The following ARHGAP40 variants were observed in gnomAD, a reference collection of about 807,000 sequenced individuals.
ARHGAP40 encodes the protein Rho GTPase activating protein 40.
Under a neutral mutation model 73.5 loss-of-function variants are expected in ARHGAP40, and 43 were observed. The ratio of observed to expected loss-of-function variants is 0.58; its 90% CI spans 0.46 to 0.75. The LOEUF is 0.75. Ranked by LOEUF, ARHGAP40 falls within the 30% of genes least tolerant of loss-of-function variation. The pLI, the probability that ARHGAP40 is intolerant of heterozygous loss-of-function variation, is 0.00. For missense variants in ARHGAP40, 734 were observed against 861.8 expected (o/e 0.85, Z 1.86); for synonymous variants, 300 against 352.8 (o/e 0.85, Z 1.68).
intron 1 of ARHGAP40, among the ~76,000 whole-genome samples, chr20:38,620,277 A>G (rs1229112574): frequency 6.6e-6 from 1 of 152,250 alleles, no homozygotes; most frequent in African/African-American, 2.4e-5. Flanking sequence ...CCTTTTGTGG[A>G]TGCGTTCTCT....
intron 11 of ARHGAP40, among the ~76,000 whole-genome samples, chr20:38,645,585 G>A (rs575029372): frequency 1.3e-5 from 2 of 152,280 alleles, no homozygotes; most frequent in South Asian, 4.2e-4. Context: ...AGGGTCCATG[G>A]AGTCTGGGTT....
chr20:38,638,801 G>A (rs1409255305), exon 8 of ARHGAP40: 3 of 1,305,282 alleles, frequency 2.3e-6, no homozygotes, highest in Non-Finnish European at 3.0e-6. Flanking sequence ...GACATGGAAG[G>A]CATTCTCAGG....
intron 9 of ARHGAP40, among the ~76,000 whole-genome samples, chr20:38,640,104 C>CT (rs1568611105): frequency 4.1e-5 from 6 of 145,044 alleles, no homozygotes; most frequent in African/African-American, 1.6e-4. Context: ...CTTCTTCTTC[C>CT]TCCTCTTCTT....
chr20:38,615,385 A>C, intron 1 of ARHGAP40: 1 of 740,352 alleles, frequency 1.4e-6, no homozygotes, highest in Non-Finnish European at 2.5e-6. Context: ...CCAGGTACCC[A>C]CCCCAATGAG....
intron 10 of ARHGAP40, among the ~76,000 whole-genome samples, chr20:38,642,430 G>C (rs750713491): frequency 8.5e-5 from 13 of 152,174 alleles, no homozygotes; most frequent in Non-Finnish European, 1.6e-4. Flanking sequence ...TTGAGTTTCT[G>C]CTTCCTTTTC....
At chr20:38,635,531 T>C (rs2095641986) in intron 6 of ARHGAP40, among the ~76,000 whole-genome samples, 1 of 151,938 alleles carries the variant, frequency 6.6e-6, no homozygotes, top group Admixed American at 6.6e-5. Flanking sequence ...GGCGTGCTGG[T>C]GCACACCTCT....
At chr20:38,629,090 C>A in intron 4 of ARHGAP40, 88 bp downstream of exon 4, 2 of 1,058,282 alleles carry the variant, frequency 1.9e-6, no homozygotes, top group African/African-American at 1.7e-5. Context: ...TGCACACCTC[C>A]CAGCATTTCC....
Position 38,646,479 on chromosome 20 carries a change from G to A in ARHGAP40, c.1710+292G>A, listed in dbSNP as rs1279415267. On this transcript the variant is annotated intron_variant, in intron 12 of 14. Transcript: ENST00000373345. The surrounding 1 kb of genome is among the most constrained non-coding windows in gnomAD (Gnocchi z 4.5). Reference sequence around the variant, plus strand: ...CCCTGGCCGAGGGTTGGGAAAATGGGAGTCGCTCTGCGGGGTGTGAGGTGA... The same window carrying A: ...CCCTGGCCGAGGGTTGGGAAAATGGAAGTCGCTCTGCGGGGTGTGAGGTGA... Among the ~76,000 whole-genome samples the A allele has an allele frequency of 5.3e-5, 8 of 152,260 alleles. No individual in the cohort carries two copies. Among genetic ancestry groups the A allele is most frequent in the Non-Finnish European group, 5.9e-5 (4 of 68,052 alleles).
intron 14 of ARHGAP40, among the ~76,000 whole-genome samples, chr20:38,649,036 G>A (rs1279645276): frequency 6.6e-6 from 1 of 152,214 alleles, no homozygotes; most frequent in Non-Finnish European, 1.5e-5. Flanking sequence ...CTTCATCCCT[G>A]GCCTAGGGGC....
intron 1 of ARHGAP40, among the ~76,000 whole-genome samples, chr20:38,612,884 A>G (rs149998752): frequency 2.0e-5 from 3 of 152,324 alleles, no homozygotes; most frequent in Admixed American, 6.5e-5. Flanking sequence ...ACAAATGTCT[A>G]TAATCTTGTT....
In ARHGAP40 at chr20:38,633,136, A is replaced by AT. The variant is rs201514451; in HGVS notation, c.784-1483dup. On this transcript the variant is annotated intron_variant, in intron 5 of 14. Transcript: ENST00000373345. ...AGACTCCGTCTCAAAAAAAAAAAAA[A>AT]TAGTTGGATGTGGTGGTGTGTGCCC... Among the ~76,000 whole-genome samples the AT allele has an allele frequency of 7.6e-3, 1,145 of 149,804 alleles. 10 individuals carry two copies. Among genetic ancestry groups the AT allele is most frequent in the African/African-American group, 0.026 (1,053 of 40,998 alleles).
At chr20:38,639,362 C>G (rs1409757985) in exon 9 of ARHGAP40, 13 of 1,305,428 alleles carry the variant, frequency 1.0e-5, no homozygotes, top group African/African-American at 1.5e-5. Context: ...GGCTGAGTAC[C>G]TCCCGGCCTT....
chr20:38,629,453 G>A, intron 4 of ARHGAP40, 49 bp from the exon 5 acceptor site: 1 of 1,302,102 alleles, frequency 7.7e-7, no homozygotes, highest in Non-Finnish European at 1.0e-6. Flanking sequence ...TTGCTTCCTG[G>A]CAGCCAGTTC....
At chr20:38,605,045 C>T (rs972134413) in intron 1 of ARHGAP40, among the ~76,000 whole-genome samples, 1 of 152,100 alleles carries the variant, frequency 6.6e-6, no homozygotes, top group African/African-American at 2.4e-5. Flanking sequence ...GTCAGCTCCC[C>T]CAATCCTTTG....
intron 6 of ARHGAP40, among the ~76,000 whole-genome samples, chr20:38,636,667 C>T (rs979463503): frequency 2.6e-5 from 4 of 152,234 alleles, no homozygotes; most frequent in Admixed American, 6.5e-5. Context: ...CATGTCTTTC[C>T]TATTATAAGA....
At chr20:38,633,139 G>T (rs2145608004) in intron 5 of ARHGAP40, among the ~76,000 whole-genome samples, 1 of 150,892 alleles carries the variant, frequency 6.6e-6, no homozygotes, top group Non-Finnish European at 1.5e-5. Context: ...AAAAAAAATA[G>T]TTGGATGTGG....
exon 6 of ARHGAP40, chr20:38,634,756 G>A (rs901127943): frequency 6.2e-6 from 8 of 1,298,636 alleles, no homozygotes; most frequent in African/African-American, 1.5e-5. Flanking sequence ...GACCTGAAGA[G>A]GAGCAAGGCG....
chr20:38,615,909 T>C (rs540626986), intron 1 of ARHGAP40, among the ~76,000 whole-genome samples: 33 of 152,348 alleles, frequency 2.2e-4, no homozygotes, highest in African/African-American at 7.9e-4. Flanking sequence ...TTAGTTGCTC[T>C]ACCCTAGGCT....
At chr20:38,643,796 C>T in exon 11 of ARHGAP40, 1 of 1,305,830 alleles carries the variant, frequency 7.7e-7, no homozygotes. Context: ...CCCCTAACCT[C>T]TTTCTGCACC....
Sources: gnomAD v4.1 joint callset for allele counts (sites outside exome capture counted in the v4.1 genomes callset) on GRCh38, gnomAD v4.1.1 for gene constraint, Gnocchi (gnomAD v3.1) non-coding constraint, MANE v1.5 for transcripts, NCBI Gene and HGNC (gene_info 2026-07-23, HGNC 2026-07-21) for gene names.